NBEA: variants seen among roughly 807,000 people sequenced by gnomAD.
NBEA encodes the protein neurobeachin.
A neutral mutation model predicts 343.4 loss-of-function variants in NBEA; 44 were observed. The observed-to-expected ratio is 0.13, with a 90% CI of 0.10 to 0.16. The LOEUF is 0.16. NBEA is among the 10% of genes least tolerant of loss of function. The pLI is 1.00. For synonymous variants in NBEA, 1,175 were observed against 1,238.7 expected, an observed-to-expected ratio of 0.95 and a Z score of 1.08; for missense variants, 2,555 against 3,631.3, an observed-to-expected ratio of 0.70 and a Z score of 7.62.
intron 1 of NBEA, among the ~76,000 whole-genome samples, chr13:34,966,955 T>G (rs901708774): frequency 6.6e-6 from 1 of 150,726 alleles, no homozygotes; most frequent in Non-Finnish European, 1.5e-5. Context: ...TCAACTAACC[T>G]TTCTTTTTTT....
intron 38 of NBEA, among the ~76,000 whole-genome samples, chr13:35,361,624 G>C (rs889890665): frequency 6.6e-6 from 1 of 151,988 alleles, no homozygotes; most frequent in African/African-American, 2.4e-5. Context: ...TGGTGACCTT[G>C]CTTGTTTTGG....
rs890126032 is a variant in NBEA at position 35,602,056 on chromosome 13, C to T, written c.7297-4370C>T. On this transcript the variant is annotated intron_variant, in intron 47 of 58. Transcript: ENST00000379939. The stretch of plus-strand genomic sequence containing the variant: ...AACAGTGCCAAGACATAGAAAGGTA[C>T]CAAAATAAATGTTACCTGCTGGTTT... 2.0e-5 allele frequency among the ~76,000 whole-genome samples: 3 copies of T among 151,994 alleles called. No homozygotes were observed. The East Asian group carries it at 5.8e-4, about 29-fold the overall frequency.
At chr13:35,229,272 T>A (rs1173429156) in intron 33 of NBEA, among the ~76,000 whole-genome samples, 1 of 152,142 alleles carries the variant, frequency 6.6e-6, no homozygotes, top group Non-Finnish European at 1.5e-5. Flanking sequence ...GCTCAAGCCA[T>A]TCTCCTTCTT....
chr13:35,052,616 T>C (rs2063104513), intron 6 of NBEA, among the ~76,000 whole-genome samples: 1 of 151,924 alleles, frequency 6.6e-6, no homozygotes, highest in Non-Finnish European at 1.5e-5. Flanking sequence ...TTTCCAAGTT[T>C]ATTTTTATTT....
chr13:35,228,645 G>A (rs1483848582), intron 33 of NBEA, among the ~76,000 whole-genome samples: 1 of 150,732 alleles, frequency 6.6e-6, no homozygotes, highest in African/African-American at 2.4e-5. Flanking sequence ...TGTGGTATTC[G>A]CCTTTCTGTT....
chr13:35,517,044 T>C (rs1201936358), intron 41 of NBEA, among the ~76,000 whole-genome samples: 1 of 152,060 alleles, frequency 6.6e-6, no homozygotes, highest in Non-Finnish European at 1.5e-5. Flanking sequence ...CAGTCAAAAT[T>C]ATACTGTCTT....
At chr13:34,979,255 C>G (rs1490647576) in intron 1 of NBEA, among the ~76,000 whole-genome samples, 2 of 152,112 alleles carry the variant, frequency 1.3e-5, no homozygotes, top group Non-Finnish European at 2.9e-5. Context: ...GGTTGCTGGG[C>G]ACAGTGGTTC....
intron 41 of NBEA, among the ~76,000 whole-genome samples, chr13:35,506,569 GTCAGGTGGGT>G (rs1039289467): frequency 1.3e-5 from 2 of 152,218 alleles, no homozygotes; most frequent in Admixed American, 1.3e-4. Flanking sequence ...CAGCCCAGGG[GTCAGGTGGGT>G]TCGTGTTCTG....
chr13:35,655,003 A>G lies in NBEA; in HGVS notation c.8184A>G (p.Thr2728=), dbSNP rs1395041757. 4.6e-6 allele frequency: 7 copies of G among 1,534,394 alleles called. No individual in the cohort carries two copies. The Middle Eastern group carries it at 5.1e-4, about 112-fold the overall frequency. ...ATAAGAGCTTCAGAGTTTATTCTAC[A>G]GAAACAGGTAATCCTAACTATGAAA... The part of the protein sequence containing the change: ...FWDKSFRVYS[T]ETGKLTQIVF... The change falls in exon 54 of 59, where the codon ACA becomes ACG. Residue 2728 remains threonine (T), a synonymous_variant. Coordinates refer to ENST00000379939, the MANE Select transcript of NBEA (RefSeq NM_001385012.1).
At chr13:35,529,005 C>A (rs1012899506) in intron 41 of NBEA, among the ~76,000 whole-genome samples, 12 of 152,196 alleles carry the variant, frequency 7.9e-5, no homozygotes, top group African/African-American at 2.9e-4. Context: ...GTTGTTTACC[C>A]TTCTTTGGAT....
rs2083308010 is a variant in NBEA, at chr13:35,628,230, T to C, written c.7599T>C (p.Thr2533=). 1.2e-6 allele frequency: 2 copies of C among 1,608,538 alleles called. No homozygotes were observed. Among genetic ancestry groups the C allele is most frequent in the Non-Finnish European group, 1.7e-6 (2 of 1,177,506 alleles). Residue 2533 remains threonine, a synonymous_variant, in exon 49 of 59, where the codon ACT becomes ACC. Transcript: ENST00000379939. ...GCTCTGTGAACCTGGATAGTATCAC[T>C]GATCCTGTGCTCAGGGAGGTAGGTG... ...YEGSVNLDSI[T]DPVLREIPEA...
intron 48 of NBEA, among the ~76,000 whole-genome samples, chr13:35,622,066 A>G (rs577319982): frequency 2.0e-5 from 3 of 152,358 alleles, no homozygotes; most frequent in African/African-American, 7.2e-5. Context: ...CATAGAAAAA[A>G]ACAAGTGAGA....
At chr13:35,422,631 C>G (rs535636023) in intron 38 of NBEA, among the ~76,000 whole-genome samples, 4 of 152,244 alleles carry the variant, frequency 2.6e-5, no homozygotes, top group Admixed American at 2.6e-4. Flanking sequence ...GTCTTTATAG[C>G]AGCATGATTT....
chr13:35,328,244 C>T (rs1253557691), intron 36 of NBEA, among the ~76,000 whole-genome samples: 1 of 151,714 alleles, frequency 6.6e-6, no homozygotes, highest in African/African-American at 2.4e-5. Flanking sequence ...ACATTGGAAA[C>T]TGAAATAAAA....
At chr13:35,485,973 G>A (rs533998331) in intron 41 of NBEA, among the ~76,000 whole-genome samples, 22 of 152,148 alleles carry the variant, frequency 1.4e-4, no homozygotes, top group South Asian at 4.1e-4. Flanking sequence ...TGAACTCTGC[G>A]TATAAATCAG....
intron 38 of NBEA, among the ~76,000 whole-genome samples, chr13:35,375,326 C>T (rs1422724209): frequency 2.0e-5 from 3 of 152,104 alleles, no homozygotes; most frequent in African/African-American, 7.2e-5. Context: ...GCCGTCTCAA[C>T]GTAAGGTCAT....
chr13:35,372,410 G>A (rs973211057), intron 38 of NBEA, among the ~76,000 whole-genome samples: 13 of 152,162 alleles, frequency 8.5e-5, no homozygotes, highest in Non-Finnish European at 1.8e-4. Context: ...AGGGCAGAGT[G>A]ATCTCCAGGC....
chr13:35,385,226 G>C (rs371117418), intron 38 of NBEA, among the ~76,000 whole-genome samples: 2 of 151,926 alleles, frequency 1.3e-5, no homozygotes, highest in South Asian at 4.2e-4. Context: ...AGAGTACTTT[G>C]TTTTGATTAT....
chr13:34,987,370 G>T (rs1428623809), intron 1 of NBEA, among the ~76,000 whole-genome samples: 1 of 151,054 alleles, frequency 6.6e-6, no homozygotes, highest in African/African-American at 2.4e-5. Context: ...TCTGCTGTTA[G>T]TCTGATGGGC....
Sources: gnomAD v4.1 joint callset for allele counts (sites outside exome capture counted in the v4.1 genomes callset) on GRCh38, gnomAD v4.1.1 for gene constraint, MANE v1.5 for transcripts, NCBI Gene and HGNC (gene_info 2026-07-23, HGNC 2026-07-21) for gene names.